CNTNAP2: variants seen among roughly 807,000 people sequenced by gnomAD.
CNTNAP2 encodes contactin associated protein 2, also known as contactin-associated protein-like 2.
In CNTNAP2, 98 loss-of-function variants were observed where a neutral mutation model predicts 155.2. That is an observed-to-expected ratio of 0.63 (90% CI 0.54 to 0.75). The LOEUF (loss-of-function observed/expected upper bound fraction) is 0.75, where lower values mean the gene tolerates loss of function less well. Among genes scored for constraint, CNTNAP2 ranks in the 30% least tolerant of loss-of-function variants. CNTNAP2 has a pLI of 0.00. For synonymous variants in CNTNAP2, 651 were observed against 631.2 expected (o/e 1.03, Z -0.47); for missense variants, 1,727 against 1,688.1 (o/e 1.02, Z -0.40).
intron 1 of CNTNAP2, among the ~76,000 whole-genome samples, chr7:146,301,194 C>T (rs781126574): frequency 2.1e-4 from 32 of 152,004 alleles, no homozygotes; most frequent in Non-Finnish European, 4.4e-4. Flanking sequence ...ATGACATTTC[C>T]AAAACCAATT....
At chr7:147,937,426 A>G (rs1391802031) in intron 14 of CNTNAP2, among the ~76,000 whole-genome samples, 1 of 152,132 alleles carries the variant, frequency 6.6e-6, no homozygotes, top group Non-Finnish European at 1.5e-5. Context: ...CCAGTTAGTG[A>G]CCAATATACC....
chr7:147,554,505 C>T (rs1367063175), intron 11 of CNTNAP2, among the ~76,000 whole-genome samples: 1 of 151,892 alleles, frequency 6.6e-6, no homozygotes. Context: ...TGTAGATATA[C>T]TCTGGCTTTC....
At chr7:147,201,591 T>C (rs1231358733) in intron 8 of CNTNAP2, among the ~76,000 whole-genome samples, 1 of 152,096 alleles carries the variant, frequency 6.6e-6, no homozygotes, top group Non-Finnish European at 1.5e-5. Flanking sequence ...TGCACAGACA[T>C]AGGAGAGGGA....
chr7:147,804,625 C>T (rs1798061617), intron 13 of CNTNAP2, among the ~76,000 whole-genome samples: 1 of 152,070 alleles, frequency 6.6e-6, no homozygotes, highest in African/African-American at 2.4e-5. Flanking sequence ...GCGATCTCGG[C>T]TCACTGCAAC....
chr7:147,250,252 AT>A (rs1441902302), intron 8 of CNTNAP2, among the ~76,000 whole-genome samples: 3 of 152,142 alleles, frequency 2.0e-5, no homozygotes, highest in African/African-American at 7.2e-5. Context: ...GGATTTGCAA[AT>A]GTTAAACTTG....
At chr7:147,481,303 G>A (rs1202034830) in intron 10 of CNTNAP2, among the ~76,000 whole-genome samples, 1 of 152,176 alleles carries the variant, frequency 6.6e-6, no homozygotes, top group Non-Finnish European at 1.5e-5. Context: ...ATTAAACAAT[G>A]TCCATAAACT....
chr7:146,577,574 C>G (rs1208429405), intron 1 of CNTNAP2, among the ~76,000 whole-genome samples: 1 of 151,574 alleles, frequency 6.6e-6, no homozygotes, highest in Admixed American at 6.6e-5. Flanking sequence ...TTCAGGGAAT[C>G]AAGAAAATTT....
intron 1 of CNTNAP2, among the ~76,000 whole-genome samples, chr7:146,251,628 ACT>A (rs1338938406): frequency 1.3e-5 from 2 of 152,188 alleles, no homozygotes; most frequent in Admixed American, 1.3e-4. Context: ...TATTATTTCA[ACT>A]TTGAAAAATG....
chr7:148,298,008 A>C (rs1044525112), intron 21 of CNTNAP2, among the ~76,000 whole-genome samples: 3 of 152,336 alleles, frequency 2.0e-5, no homozygotes, highest in African/African-American at 7.2e-5. Context: ...AAACACGATC[A>C]CCAAAGGAAA....
chr7:147,497,208 T>G (rs1238826705), intron 11 of CNTNAP2: 1 of 152,178 alleles, frequency 6.6e-6, no homozygotes, highest in Non-Finnish European at 1.5e-5. Flanking sequence ...TATTTTTAAG[T>G]AAAATGAGAA....
At chr7:146,487,618 G>T (rs998319373) in intron 1 of CNTNAP2, among the ~76,000 whole-genome samples, 2 of 152,186 alleles carry the variant, frequency 1.3e-5, no homozygotes, top group East Asian at 3.8e-4. Context: ...AAAAGAAAAT[G>T]AACATGAGAT....
chr7:147,794,467 A>G (rs529924172), intron 13 of CNTNAP2, among the ~76,000 whole-genome samples: 2 of 152,068 alleles, frequency 1.3e-5, no homozygotes, highest in African/African-American at 4.8e-5. Context: ...CGGTTTTCAG[A>G]TGTTAAACCA....
At chr7:146,320,708 T>C (rs1340770022) in intron 1 of CNTNAP2, among the ~76,000 whole-genome samples, 1 of 152,138 alleles carries the variant, frequency 6.6e-6, no homozygotes, top group African/African-American at 2.4e-5. Flanking sequence ...AAGTATAAAA[T>C]AATACAGAAA....
chr7:146,765,267 A>G (rs1041107788), intron 1 of CNTNAP2, among the ~76,000 whole-genome samples: 1 of 152,210 alleles, frequency 6.6e-6, no homozygotes, highest in Non-Finnish European at 1.5e-5. Context: ...GTTCCAAATT[A>G]CAAGTCATTT....
chr7:146,793,803 A>G (rs1401493252), intron 2 of CNTNAP2, among the ~76,000 whole-genome samples: 2 of 152,188 alleles, frequency 1.3e-5, no homozygotes, highest in East Asian at 3.9e-4. Context: ...GTCAAGAAGT[A>G]TATGTTAGAG....
At chr7:146,384,939 C>T (rs1227965259) in intron 1 of CNTNAP2, among the ~76,000 whole-genome samples, 1 of 152,142 alleles carries the variant, frequency 6.6e-6, no homozygotes, top group African/African-American at 2.4e-5. Flanking sequence ...ATCTGGTTCA[C>T]TATTTTATCA....
At chr7:146,951,146 A>AT (rs1282479376) in intron 3 of CNTNAP2, among the ~76,000 whole-genome samples, 2 of 151,140 alleles carry the variant, frequency 1.3e-5, no homozygotes, top group Non-Finnish European at 3.0e-5. Flanking sequence ...GGCTTGTTTG[A>AT]TTTTTTCTTG....
Position 146,754,554 on chromosome 7 carries a change from G to C in CNTNAP2, c.98-19717G>C, listed in dbSNP as rs78626497. ...TTAGAGTCTCTCTCTCTCTCTCTCT[G>C]TCTCTCTCTCTCTCTCTCTCTCTCT... On this transcript the variant is annotated intron_variant, in intron 1 of 23. Transcript: ENST00000361727. Among the ~76,000 whole-genome samples the C allele has an allele frequency of 6.8e-3, 983 of 144,910 alleles. 9 individuals carry two copies. The highest frequency in any genetic ancestry group is 0.023 in the African/African-American group (883 of 39,106).
At chr7:148,119,722 T>G (rs1010461100) in intron 16 of CNTNAP2, among the ~76,000 whole-genome samples, 11 of 152,182 alleles carry the variant, frequency 7.2e-5, no homozygotes, top group African/African-American at 2.7e-4. Context: ...GAATCCTAAT[T>G]TTCTGATTTA....
Sources: gnomAD v4.1 joint callset for allele counts (sites outside exome capture counted in the v4.1 genomes callset) on GRCh38, gnomAD v4.1.1 for gene constraint, MANE v1.5 for transcripts, NCBI Gene and HGNC (gene_info 2026-07-23, HGNC 2026-07-21) for gene names.